CASK: variants seen among roughly 807,000 people sequenced by gnomAD.
The protein encoded by CASK is peripheral plasma membrane protein CASK.
CASK carries 4 observed loss-of-function variants against 82.9 expected under a neutral mutation model. The ratio of observed to expected loss-of-function variants is 0.05; its 90% CI spans 0.02 to 0.11. The LOEUF (loss-of-function observed/expected upper bound fraction) is 0.11. Ranked by LOEUF, CASK falls within the 10% of genes least tolerant of loss-of-function variation. CASK has a pLI of 1.00. For synonymous variants in CASK, 259 were observed against 253.5 expected (o/e 1.02, Z -0.20); for missense variants, 358 against 720.9 (o/e 0.50, Z 5.76).
chrX:41,637,330 A>T, intron 8 of CASK, among the ~76,000 whole-genome samples: 1 of 99,737 alleles, frequency 1.0e-5, no homozygotes. Flanking sequence ...TCAGCATTCT[A>T]CGTTGTCATG....
chrX:41,636,696 C>A (rs1327705724), intron 8 of CASK, 35 bp from the exon 9 acceptor site: 1 of 936,162 alleles, frequency 1.1e-6, no homozygotes, highest in Admixed American at 2.2e-5. Flanking sequence ...CATATATAAC[C>A]GTTTAAAAAA....
chrX:41,656,183 T>C (rs1394173335), intron 8 of CASK, among the ~76,000 whole-genome samples: 2 of 111,787 alleles, frequency 1.8e-5, no homozygotes, highest in Non-Finnish European at 3.8e-5. Flanking sequence ...TCTAGACAGG[T>C]TTCTTTTGTA....
intron 1 of CASK, among the ~76,000 whole-genome samples, chrX:41,874,641 A>G (rs1030564865): frequency 8.9e-6 from 1 of 112,464 alleles, no homozygotes; most frequent in African/African-American, 3.2e-5. Context: ...CAAACAATCC[A>G]AAGTACTATA....
intron 3 of CASK, among the ~76,000 whole-genome samples, chrX:41,767,783 C>A (rs1212885980): frequency 9.0e-6 from 1 of 111,454 alleles, no homozygotes; most frequent in African/African-American, 3.3e-5. Flanking sequence ...AGGTGAAATG[C>A]CCTTCTCATC....
intron 25 of CASK, among the ~76,000 whole-genome samples, chrX:41,524,951 T>C (rs1009898924): frequency 8.9e-6 from 1 of 111,745 alleles, no homozygotes; most frequent in African/African-American, 3.3e-5. Context: ...TGCTGTCACT[T>C]ACACAAGAAT....
chrX:41,635,479 T>G (rs904046348), intron 9 of CASK, among the ~76,000 whole-genome samples: 1 of 111,625 alleles, frequency 9.0e-6, no homozygotes, highest in Non-Finnish European at 1.9e-5. Flanking sequence ...TAGAGAACAG[T>G]TAACATTTTT....
chrX:41,803,488 A>G (rs1219964297), intron 2 of CASK, among the ~76,000 whole-genome samples: 2 of 111,112 alleles, frequency 1.8e-5, no homozygotes, highest in Non-Finnish European at 3.8e-5. Flanking sequence ...GCTACTTGGG[A>G]AGCCGAGGCA....
intron 8 of CASK, among the ~76,000 whole-genome samples, chrX:41,640,210 C>CTT (rs371686354): frequency 4.8e-5 from 5 of 104,197 alleles, no homozygotes; most frequent in Non-Finnish European, 5.9e-5. Context: ...TTCCATTGTT[C>CTT]TTTTTTTTTT....
chrX:41,554,005 A>G (rs1336468725), intron 20 of CASK, 90 bp from the exon 21 acceptor site: 3 of 654,217 alleles, frequency 4.6e-6, no homozygotes, highest in Non-Finnish European at 4.9e-6. Flanking sequence ...AACAGTTACA[A>G]TACAAACAGG....
At chrX:41,903,925 T>A (rs1007067416) in intron 1 of CASK, among the ~76,000 whole-genome samples, 15 of 112,121 alleles carry the variant, frequency 1.3e-4, no homozygotes, top group Non-Finnish European at 2.8e-4. Flanking sequence ...AAGTATACAA[T>A]CTGGTGGTTT....
At chrX:41,922,715 C>T (rs1332305550) in intron 1 of CASK, among the ~76,000 whole-genome samples, 2 of 111,483 alleles carry the variant, frequency 1.8e-5, no homozygotes, top group Non-Finnish European at 3.8e-5. Flanking sequence ...TGGCCAACCT[C>T]GGCTCGGTGG....
Position 41,517,900 on chromosome X carries a change from T to C in CASK, c.*2520A>G. On this transcript the variant is annotated 3_prime_UTR_variant, in exon 27 of 27. Transcript: ENST00000378163. Reference sequence around the variant, plus strand: ...TAAAGACACTGCTTTAGAGAAGACATGTATTAGTGGAATGGAACAGGTAAC... The same window carrying C: ...TAAAGACACTGCTTTAGAGAAGACACGTATTAGTGGAATGGAACAGGTAAC... 1 of 513,337 alleles carries C rather than the reference T, an allele frequency of 1.9e-6. No individual in the cohort carries two copies. The highest frequency in any genetic ancestry group is 3.3e-6 in the Non-Finnish European group (1 of 299,910). 42.3% of individuals were successfully genotyped at this position (513,337 alleles called of 1,213,427 possible).
At chrX:41,687,965 CAAAAAAA>C (rs76783862) in intron 5 of CASK, among the ~76,000 whole-genome samples, 1 of 24,580 alleles carries the variant, frequency 4.1e-5, no homozygotes, top group Admixed American at 4.9e-4. Context: ...AACTCCGTCT[CAAAAAAA>C]AAAAAAAAAA....
rs780298355 is a variant in CASK at position 41,633,247 on chromosome X, C to T, written c.915+3331G>A. Reference sequence around the variant, plus strand: ...CTATTTGTATAGAATTTCTTCAACACACTTCACTGTGGGGAATTTGCTTTC... The same window carrying T: ...CTATTTGTATAGAATTTCTTCAACATACTTCACTGTGGGGAATTTGCTTTC... On this transcript the variant is annotated intron_variant, in intron 9 of 26. Transcript: ENST00000378163. 4.5e-5 allele frequency among the ~76,000 whole-genome samples: 5 copies of T among 110,992 alleles called. No homozygotes were observed. In the South Asian group the frequency reaches 1.9e-3, roughly 42 times the overall value.
intron 19 of CASK, chrX:41,555,926 TAA>T (rs11307594): frequency 0.025 from 3,772 of 153,068 alleles, no homozygotes; most frequent in East Asian, 0.039. Flanking sequence ...AACAGCCTAT[TAA>T]AAAAAAAAAA....
chrX:41,647,066 G>A (rs2066770304), intron 8 of CASK, among the ~76,000 whole-genome samples: 1 of 111,935 alleles, frequency 8.9e-6, no homozygotes, highest in South Asian at 3.7e-4. Context: ...CTATTCAAAG[G>A]GCTCATTTTG....
chrX:41,850,831 T>C (rs1368106285), intron 2 of CASK, among the ~76,000 whole-genome samples: 1 of 111,482 alleles, frequency 9.0e-6, no homozygotes, highest in African/African-American at 3.3e-5. Context: ...ACAGAGACTT[T>C]ATATAATGAA....
chrX:41,709,485 G>A lies in CASK; in HGVS notation c.429+29899C>T, dbSNP rs193091523. On this transcript the variant is annotated intron_variant, in intron 5 of 26. Coordinates refer to ENST00000378163, the MANE Select transcript of CASK (RefSeq NM_001367721.1). ...TTGAGTATTATCATATATTATGAGA[G>A]TCCATATAAAACAGTAAAGAATGTG... is the stretch of plus-strand genomic sequence containing the variant. 1.4e-4 allele frequency among the ~76,000 whole-genome samples: 16 copies of A among 111,489 alleles called. No homozygotes were observed. The East Asian group carries it at 3.9e-3, about 27-fold the overall frequency.
chrX:41,522,166 G>A (rs1470046968), intron 26 of CASK: 1 of 111,777 alleles, frequency 8.9e-6, no homozygotes, highest in Non-Finnish European at 1.9e-5. Flanking sequence ...TTTCCTGGGA[G>A]GCTGCTGGGA....
Sources: allele counts gnomAD v4.1 joint callset (sites outside exome capture counted in the v4.1 genomes callset), GRCh38; gene constraint gnomAD v4.1.1; transcripts MANE v1.5; gene names NCBI Gene and HGNC (gene_info 2026-07-23, HGNC 2026-07-21).